SPIDR: variants seen among roughly 807,000 people sequenced by gnomAD.
The protein encoded by SPIDR is DNA repair-scaffolding protein.
SPIDR carries 93 observed loss-of-function variants against 104.6 expected under a neutral mutation model. The observed-to-expected ratio is 0.89, with a 90% confidence interval of 0.75 to 1.06. The LOEUF is 1.06. SPIDR is among the 50% of genes least tolerant of loss of function. The probability of loss-of-function intolerance (pLI) is 0.00; values close to 1 mark genes in which losing one functional copy is unlikely to be tolerated. For synonymous variants in SPIDR, 431 were observed against 416.9 expected, an observed-to-expected ratio of 1.03 and a Z score of -0.41; for missense variants, 1,154 against 1,111.2, an observed-to-expected ratio of 1.04 and a Z score of -0.55.
At chr8:47,440,193 T>C in intron 7 of SPIDR, 130 bp from the exon 8 acceptor site, 2 of 740,094 alleles carry the variant, frequency 2.7e-6, no homozygotes. Flanking sequence ...CTTTGCAAAA[T>C]GTGGAGACCA....
rs2040395842 is a variant in SPIDR, at chr8:47,294,035, G to C, written c.525+5G>C. 6.2e-7 allele frequency: 1 copy of C among 1,606,736 alleles called. No homozygotes were observed. Among genetic ancestry groups the C allele is most frequent in the Non-Finnish European group, 8.5e-7 (1 of 1,177,564 alleles). ...AAGCTGTCGGAGCTTCCCAAGGTAAGAATGAAGTATTTCAAAACTTTTATT... is the reference window on the plus strand; with the variant it reads ...AAGCTGTCGGAGCTTCCCAAGGTAACAATGAAGTATTTCAAAACTTTTATT... On this transcript the variant is annotated splice_donor_5th_base_variant and intron_variant, in intron 5 of 19. Coordinates refer to ENST00000297423, the MANE Select transcript of SPIDR (RefSeq NM_001080394.4).
intron 7 of SPIDR, 43 bp downstream of exon 7, chr8:47,408,004 T>C: frequency 9.3e-7 from 1 of 1,080,440 alleles, no homozygotes; most frequent in Admixed American, 2.3e-5. Flanking sequence ...TAAAAAAATA[T>C]TTTAGTTAAA....
At chr8:47,574,647 G>T (rs1278699336) in intron 8 of SPIDR, among the ~76,000 whole-genome samples, 1 of 151,944 alleles carries the variant, frequency 6.6e-6, no homozygotes, top group Non-Finnish European at 1.5e-5. Flanking sequence ...TTACTTGGGC[G>T]TAGTGGCAGG....
chr8:47,311,202 G>A (rs1416736329), intron 5 of SPIDR, among the ~76,000 whole-genome samples: 2 of 152,162 alleles, frequency 1.3e-5, no homozygotes, highest in African/African-American at 4.8e-5. Context: ...GATTACAGAA[G>A]ATTAGGAAAA....
At chr8:47,732,543 C>T (rs2085433514) in intron 19 of SPIDR, 1 of 276,556 alleles carries the variant, frequency 3.6e-6, no homozygotes, top group Non-Finnish European at 6.9e-6. Flanking sequence ...AAGTAGACAA[C>T]TTAGGAGGCT....
At chr8:47,735,283 C>CTA in intron 19 of SPIDR, 24 bp from the exon 20 acceptor site, 1 of 1,611,486 alleles carries the variant, frequency 6.2e-7, no homozygotes, top group East Asian at 2.2e-5. Context: ...TTTGCTTTAA[C>CTA]CAGCGTGCCT....
Position 47,700,491 on chromosome 8 carries a change from G to A in SPIDR, c.1773+1G>A, listed in dbSNP as rs763151972. The A allele has an allele frequency of 2.5e-6, 4 of 1,614,194 alleles. No homozygotes were observed. On this transcript the variant is annotated splice_donor_variant, in intron 12 of 19. Transcript: ENST00000297423. LOFTEE classifies it high-confidence loss of function. ...TGGCCGCGACCAGCCCTGTGAAGAG[G>A]TAAGCCCGGCACTGGAAAAACTTCC...
In SPIDR at chr8:47,422,678, A is replaced by T. The variant is rs147804041; in HGVS notation, c.877+14717A>T. 4.7e-3 allele frequency among the ~76,000 whole-genome samples: 715 copies of T among 152,318 alleles called. 4 individuals carry two copies. The highest frequency in any genetic ancestry group is 8.3e-3 in the Non-Finnish European group (563 of 68,034). On this transcript the variant is annotated intron_variant, in intron 7 of 19. Coordinates refer to ENST00000297423, the MANE Select transcript of SPIDR (RefSeq NM_001080394.4). ...CCGGTACCTCAGTTGGAAATGCAGA[A>T]ATCATATGTCTTTTGTGTCGCTCAC...
At chr8:47,397,174 C>A (rs999091055) in intron 6 of SPIDR, among the ~76,000 whole-genome samples, 2 of 151,872 alleles carry the variant, frequency 1.3e-5, no homozygotes, top group African/African-American at 4.8e-5. Context: ...GTTGTTTGAC[C>A]AAACAATGCC....
chr8:47,701,136 A>G (rs765607662), intron 12 of SPIDR, among the ~76,000 whole-genome samples: 2 of 152,210 alleles, frequency 1.3e-5, no homozygotes, highest in Non-Finnish European at 2.9e-5. Context: ...ACTGTGCTAA[A>G]CAGCATAGTA....
chr8:47,332,917 T>C (rs939251353), intron 5 of SPIDR, among the ~76,000 whole-genome samples: 1 of 140,732 alleles, frequency 7.1e-6, no homozygotes, highest in Non-Finnish European at 1.5e-5. Context: ...GTCAGATGAG[T>C]AGGTTGCAAA....
At chr8:47,294,184 T>C (rs960856081) in intron 5 of SPIDR, 154 bp downstream of exon 5, 13 of 910,232 alleles carry the variant, frequency 1.4e-5, no homozygotes, top group Non-Finnish European at 2.1e-5. Flanking sequence ...CACTTATCTC[T>C]AAATAACATG....
intron 11 of SPIDR, among the ~76,000 whole-genome samples, chr8:47,678,656 G>C (rs2076732966): frequency 6.6e-6 from 1 of 152,130 alleles, no homozygotes; most frequent in South Asian, 2.1e-4. Context: ...GGAAAGGCAT[G>C]GGCTAAGGGC....
intron 11 of SPIDR, among the ~76,000 whole-genome samples, chr8:47,687,892 A>ATC (rs2078026987): frequency 1.3e-5 from 2 of 152,096 alleles, no homozygotes; most frequent in African/African-American, 4.8e-5. Flanking sequence ...GTGAGGCCTT[A>ATC]TCTCTACAAA....
chr8:47,396,350 AT>A, intron 5 of SPIDR, 25 bp from the exon 6 acceptor site: 2 of 1,527,326 alleles, frequency 1.3e-6, no homozygotes, highest in Non-Finnish European at 1.8e-6. Context: ...ATTTAAAAAT[AT>A]GCCTTTCTTT....
intron 18 of SPIDR, 170 bp from the exon 19 acceptor site, chr8:47,729,242 G>A (rs1563686881): frequency 3.5e-6 from 5 of 1,438,238 alleles, no homozygotes; most frequent in Admixed American, 2.2e-5. Flanking sequence ...CACCCTATGT[G>A]AACACAGTCT....
chr8:47,704,128 C>T (rs898852028), intron 14 of SPIDR, among the ~76,000 whole-genome samples: 1 of 152,216 alleles, frequency 6.6e-6, no homozygotes, highest in Non-Finnish European at 1.5e-5. Context: ...TGTGTTTCTG[C>T]AGCTTAACCT....
Position 47,595,929 on chromosome 8 carries a change from C to T in SPIDR, c.1216C>T (p.Pro406Ser), listed in dbSNP as rs1289173312. 6.2e-7 allele frequency: 1 copy of T among 1,614,118 alleles called. No homozygotes were observed. The highest frequency in any genetic ancestry group is 1.6e-4 in the Middle Eastern group (1 of 6,062). ...TTGTGAAGTGTACTGTCCGGACATACCCCTTCCAAGAAGAAGCATCTCTTT... is the reference window on the plus strand; with the variant it reads ...TTGTGAAGTGTACTGTCCGGACATATCCCTTCCAAGAAGAAGCATCTCTTT... ...KTCEVYCPDI[P>S]LPRRSISLAQ... Residue 406 changes from proline (P) to serine (S), a missense_variant, in exon 9 of 20, where the codon CCC becomes TCC. Coordinates refer to ENST00000297423, the MANE Select transcript of SPIDR (RefSeq NM_001080394.4).
At chr8:47,596,039 T>C in intron 9 of SPIDR, 33 bp downstream of exon 9, 1 of 1,564,246 alleles carries the variant, frequency 6.4e-7, no homozygotes, top group South Asian at 1.2e-5. Context: ...GTTTTATGCT[T>C]GTAATAATGT....
Sources: gnomAD v4.1 joint callset for allele counts (sites outside exome capture counted in the v4.1 genomes callset) on GRCh38, gnomAD v4.1.1 for gene constraint, MANE v1.5 for transcripts, NCBI Gene and HGNC (gene_info 2026-07-23, HGNC 2026-07-21) for gene names.